Variants in FNDC3B observed in about 807,000 individuals in gnomAD.
FNDC3B encodes the protein fibronectin type III domain containing 3B.
A neutral mutation model predicts 151.5 loss-of-function variants in FNDC3B; 12 were observed. The observed-to-expected ratio is 0.08, with a 90% CI of 0.05 to 0.13. FNDC3B has a LOEUF of 0.13. Ranked by LOEUF, FNDC3B falls within the 10% of genes least tolerant of loss-of-function variation. The probability of loss-of-function intolerance (pLI) is 1.00; values close to 1 mark genes in which losing one functional copy is unlikely to be tolerated. For missense variants in FNDC3B, 1,214 were observed against 1,505.3 expected, an observed-to-expected ratio of 0.81 and a Z score of 3.20; for synonymous variants, 528 against 549.0, an observed-to-expected ratio of 0.96 and a Z score of 0.54.
intron 3 of FNDC3B, among the ~76,000 whole-genome samples, chr3:172,174,995 C>T (rs1334253303): frequency 7.3e-6 from 1 of 137,064 alleles, no homozygotes; most frequent in Non-Finnish European, 1.5e-5. Context: ...TCCTCTCTGG[C>T]CATGCTTTCT....
At chr3:172,341,382 A>C in intron 17 of FNDC3B, 151 bp downstream of exon 17, 1 of 688,930 alleles carries the variant, frequency 1.5e-6, no homozygotes, top group Non-Finnish European at 2.6e-6. Flanking sequence ...GAGCTTTCTG[A>C]ATTGCTGTTT....
intron 3 of FNDC3B, among the ~76,000 whole-genome samples, chr3:172,200,540 C>G (rs1217732249): frequency 2.0e-5 from 3 of 152,190 alleles, no homozygotes; most frequent in Non-Finnish European, 4.4e-5. Flanking sequence ...TTATTCAATA[C>G]TTTATTATAA....
At chr3:172,078,930 C>A (rs2108496276) in intron 1 of FNDC3B, among the ~76,000 whole-genome samples, 1 of 152,316 alleles carries the variant, frequency 6.6e-6, no homozygotes, top group South Asian at 2.1e-4. Context: ...ACTACACGAT[C>A]TGTTGATACA....
chr3:172,120,732 T>C (rs985265177), intron 2 of FNDC3B, among the ~76,000 whole-genome samples: 5 of 152,250 alleles, frequency 3.3e-5, no homozygotes, highest in South Asian at 4.1e-4. Context: ...CCAGCACTTT[T>C]GGGAGGCCGA....
At chr3:172,091,851 C>A (rs1158516905) in intron 1 of FNDC3B, among the ~76,000 whole-genome samples, 1 of 133,854 alleles carries the variant, frequency 7.5e-6, no homozygotes, top group Non-Finnish European at 1.6e-5. Flanking sequence ...TAATATTACT[C>A]ACAGTGCCCT....
chr3:172,257,552 C>G (rs1728412950), intron 6 of FNDC3B, among the ~76,000 whole-genome samples: 1 of 146,090 alleles, frequency 6.8e-6, no homozygotes. Flanking sequence ...TCACCCCTAC[C>G]ACATCACACG....
chr3:172,225,208 T>C (rs1726494144), intron 3 of FNDC3B, among the ~76,000 whole-genome samples: 1 of 152,208 alleles, frequency 6.6e-6, no homozygotes, highest in Non-Finnish European at 1.5e-5. Context: ...AGGGTCTTGC[T>C]CTGTGCGCAG....
In FNDC3B at chr3:172,269,836, A is replaced by T. The variant is rs182491805; in HGVS notation, c.791-16090A>T. ...ATTTTTTTTGATATTTTTAGTAGAG[A>T]CAGGGTTTCACAGTGTTAGCCAGGA... is the stretch of plus-strand genomic sequence containing the variant. On this transcript the variant is annotated intron_variant, in intron 6 of 25. Transcript: ENST00000415807. 6.9e-4 allele frequency among the ~76,000 whole-genome samples: 105 copies of T among 152,072 alleles called. 1 individual carries two copies. The highest frequency in any genetic ancestry group is 2.4e-3 in the African/African-American group (101 of 41,484).
intron 1 of FNDC3B, among the ~76,000 whole-genome samples, chr3:172,062,987 T>G (rs1290266499): frequency 6.6e-6 from 1 of 152,210 alleles, no homozygotes; most frequent in Non-Finnish European, 1.5e-5. Context: ...TGGTGTATGA[T>G]CTAATGCTAC....
intron 1 of FNDC3B, among the ~76,000 whole-genome samples, chr3:172,106,484 G>A (rs1719649794): frequency 6.6e-6 from 1 of 152,126 alleles, no homozygotes; most frequent in African/African-American, 2.4e-5. Context: ...GTTCCTTTTG[G>A]TACTGTTATG....
chr3:172,334,318 TCCCC>T (rs11339828), intron 14 of FNDC3B, among the ~76,000 whole-genome samples: 1 of 123,450 alleles, frequency 8.1e-6, no homozygotes, highest in African/African-American at 2.8e-5. Flanking sequence ...TATTTTTATG[TCCCC>T]CCCCCCACCC....
rs898668318 is a variant in FNDC3B at position 172,311,589 on chromosome 3, G to A, written c.1254+708G>A. Among the ~76,000 whole-genome samples the A allele has an allele frequency of 6.6e-5, 10 of 151,980 alleles. No homozygotes were observed. In the South Asian group the frequency reaches 1.2e-3, roughly 19 times the overall value. The stretch of plus-strand genomic sequence containing the variant: ...CATTTCTAAAAAGCAACTGTAGGTC[G>A]GGCGCGATGACTCACGCCTGTAATC... On this transcript the variant is annotated intron_variant, in intron 11 of 25. Coordinates refer to ENST00000415807, the MANE Select transcript of FNDC3B (RefSeq NM_022763.4).
chr3:172,099,837 A>G (rs376228721), intron 1 of FNDC3B, among the ~76,000 whole-genome samples: 12 of 152,226 alleles, frequency 7.9e-5, no homozygotes, highest in African/African-American at 2.2e-4. Context: ...TAGAAAGTAT[A>G]AAGGAGGGAC....
At chr3:172,041,844 T>C (rs755934421) in intron 1 of FNDC3B, among the ~76,000 whole-genome samples, 14 of 152,134 alleles carry the variant, frequency 9.2e-5, no homozygotes, top group Non-Finnish European at 1.9e-4. Context: ...TCAGTAAATT[T>C]CCTGGCTCCC....
chr3:172,309,769 G>T (rs1428663370), intron 10 of FNDC3B, among the ~76,000 whole-genome samples: 2 of 152,076 alleles, frequency 1.3e-5, no homozygotes, highest in African/African-American at 4.8e-5. Flanking sequence ...TATAAAACTG[G>T]GTAGTTTAGT....
intron 7 of FNDC3B, among the ~76,000 whole-genome samples, chr3:172,286,665 A>G (rs942751653): frequency 6.6e-6 from 1 of 152,222 alleles, no homozygotes; most frequent in Non-Finnish European, 1.5e-5. Flanking sequence ...TTGACAACCT[A>G]AAAGCTTGAG....
chr3:172,310,554 TGAGGGTGTAAAAAGGGA>T (rs1412376656), intron 10 of FNDC3B, among the ~76,000 whole-genome samples: 1 of 152,154 alleles, frequency 6.6e-6, no homozygotes, highest in African/African-American at 2.4e-5. Flanking sequence ...TAGCGTACCA[TGAGGGTGTAAAAAGGGA>T]GAGGTGGTGG....
At chr3:172,080,776 G>A (rs1333902231) in intron 1 of FNDC3B, among the ~76,000 whole-genome samples, 1 of 152,134 alleles carries the variant, frequency 6.6e-6, no homozygotes, top group Admixed American at 6.5e-5. Flanking sequence ...GTTAGATGGT[G>A]AATCTCCTCT....
intron 4 of FNDC3B, among the ~76,000 whole-genome samples, chr3:172,229,517 A>C (rs1726780180): frequency 6.6e-6 from 1 of 152,150 alleles, no homozygotes; most frequent in Admixed American, 6.5e-5. Context: ...CCCCTCCTCA[A>C]TGTGACCCTT....
Sources: gnomAD v4.1 joint callset for allele counts (sites outside exome capture counted in the v4.1 genomes callset) on GRCh38, gnomAD v4.1.1 for gene constraint, MANE v1.5 for transcripts, NCBI Gene and HGNC (gene_info 2026-07-23, HGNC 2026-07-21) for gene names.